Variants in TMEM117 observed in about 807,000 individuals in gnomAD.
The protein encoded by TMEM117 is transmembrane protein 117.
In TMEM117, 27 loss-of-function variants were observed where a neutral mutation model predicts 52.4. The ratio of observed to expected loss-of-function variants is 0.51; its 90% CI spans 0.38 to 0.71. TMEM117 has a LOEUF of 0.71. Among genes scored for constraint, TMEM117 ranks in the 30% least tolerant of loss-of-function variants. The pLI is 0.00. For missense variants in TMEM117, 556 were observed against 630.5 expected, an observed-to-expected ratio of 0.88 and a Z score of 1.26; for synonymous variants, 215 against 206.3, an observed-to-expected ratio of 1.04 and a Z score of -0.36.
intron 3 of TMEM117, among the ~76,000 whole-genome samples, chr12:44,129,812 T>C (rs914567127): frequency 6.6e-6 from 1 of 152,218 alleles, no homozygotes; most frequent in African/African-American, 2.4e-5. Context: ...TGAAACAATC[T>C]AGTTTCCAAA....
intron 5 of TMEM117, among the ~76,000 whole-genome samples, chr12:44,256,280 A>T (rs1208041868): frequency 6.6e-6 from 1 of 151,830 alleles, no homozygotes; most frequent in Non-Finnish European, 1.5e-5. Flanking sequence ...AAGGAACAAG[A>T]CTTTTGCCTG....
intron 4 of TMEM117, among the ~76,000 whole-genome samples, chr12:44,195,237 C>G (rs939157443): frequency 6.6e-6 from 1 of 152,154 alleles, no homozygotes; most frequent in Non-Finnish European, 1.5e-5. Context: ...GTTCCTTTTG[C>G]TTGTAGGGCT....
intron 3 of TMEM117, among the ~76,000 whole-genome samples, chr12:44,087,782 A>G (rs1176896708): frequency 1.3e-5 from 2 of 152,146 alleles, no homozygotes; most frequent in South Asian, 2.1e-4. Context: ...TTTTAAATTG[A>G]TAAGTTCACA....
Position 43,944,358 on chromosome 12 carries a change from C to T in TMEM117, c.410+16C>T, listed in dbSNP as rs190954339. Reference sequence around the variant, plus strand: ...GGAACATGGGGTAGGTTTTCTTTCCCCTTTCTACTGTGGTGAGTGTTATGT... The same window carrying T: ...GGAACATGGGGTAGGTTTTCTTTCCTCTTTCTACTGTGGTGAGTGTTATGT... On this transcript the variant is annotated intron_variant, in intron 3 of 7. Coordinates refer to ENST00000266534, the MANE Select transcript of TMEM117 (RefSeq NM_032256.3). The T allele has an allele frequency of 3.1e-6, 5 of 1,603,470 alleles. No individual in the cohort carries two copies. Among genetic ancestry groups the T allele is most frequent in the East Asian group, 2.2e-5 (1 of 44,596 alleles).
At chr12:44,216,005 C>CTTTTTTTTTTTTTTT (rs778425747) in intron 5 of TMEM117, among the ~76,000 whole-genome samples, 9 of 110,838 alleles carry the variant, frequency 8.1e-5, no homozygotes, top group East Asian at 2.5e-4. Flanking sequence ...TTCTTTCTTT[C>CTTTTTTTTTTTTTTT]TTTTTTTTTT....
the TMEM117 span, among the ~76,000 whole-genome samples, chr12:43,803,568 A>G: frequency 6.6e-6 from 1 of 152,112 alleles, no homozygotes; most frequent in Non-Finnish European, 1.5e-5. Context: ...AAGTAGTGCC[A>G]TTTTCCTTCC....
chr12:44,217,961 T>C (rs1185067717), intron 5 of TMEM117, among the ~76,000 whole-genome samples: 1 of 152,112 alleles, frequency 6.6e-6, no homozygotes, highest in Non-Finnish European at 1.5e-5. Context: ...CGGTGGCTCA[T>C]GCCTGTAATC....
In TMEM117 at chr12:44,311,849, GTATATATGTATATATATGTATATATA is replaced by G. The variant is rs1565701756; in HGVS notation, c.768+12112_768+12137del. Among the ~76,000 whole-genome samples the G allele has an allele frequency of 2.5e-4, 28 of 113,876 alleles. No individual in the cohort carries two copies. In the East Asian group the frequency reaches 6.1e-3, roughly 25 times the overall value. 74.7% of individuals were successfully genotyped at this position (113,876 alleles called of 152,430 possible). ...TATATATGTATATATGTATATATAT[GTATATATGTATATATATGTATATATA>G]TGTATATATGTATATATATGTGTAT... On this transcript the variant is annotated intron_variant, in intron 6 of 7. Coordinates refer to ENST00000266534, the MANE Select transcript of TMEM117 (RefSeq NM_032256.3).
At chr12:44,199,931 A>T (rs1490581761) in intron 4 of TMEM117, among the ~76,000 whole-genome samples, 2 of 152,168 alleles carry the variant, frequency 1.3e-5, no homozygotes, top group Non-Finnish European at 2.9e-5. Flanking sequence ...CAGCCTGGTC[A>T]ACATGGTGAA....
At chr12:44,031,972 CTGTACAGGGTTTCTGACT>C (rs929878385) in intron 3 of TMEM117, among the ~76,000 whole-genome samples, 1 of 152,182 alleles carries the variant, frequency 6.6e-6, no homozygotes, top group Non-Finnish European at 1.5e-5. Context: ...TCCACAGTTC[CTGTACAGGGTTTCTGACT>C]TGTGGTAAGT....
At chr12:44,114,407 CATTTAGGACTGT>C (rs1444552594) in intron 3 of TMEM117, among the ~76,000 whole-genome samples, 5 of 152,070 alleles carry the variant, frequency 3.3e-5, no homozygotes, top group Admixed American at 3.3e-4. Flanking sequence ...CTCACCTCTG[CATTTAGGACTGT>C]ATTTTAGCTT....
rs181292847 is a variant in TMEM117 at position 44,301,919 on chromosome 12, G to A, written c.768+2180G>A. On this transcript the variant is annotated intron_variant, in intron 6 of 7. Coordinates refer to ENST00000266534, the MANE Select transcript of TMEM117 (RefSeq NM_032256.3). ...TCATCTGAAAGAAAAGGGGAGAGAG[G>A]TTGGGCTATAACTCCAAATTAGTAG... Among the ~76,000 whole-genome samples the A allele has an allele frequency of 2.3e-4, 35 of 152,284 alleles. No individual in the cohort carries two copies. In the East Asian group the frequency reaches 6.4e-3, roughly 28 times the overall value.
At chr12:44,242,702 A>G (rs1712603157) in intron 5 of TMEM117, among the ~76,000 whole-genome samples, 2 of 147,316 alleles carry the variant, frequency 1.4e-5, no homozygotes, top group African/African-American at 2.5e-5. Flanking sequence ...ATATGTATAT[A>G]GATATCTATA....
At chr12:44,301,127 G>T (rs181790356) in intron 6 of TMEM117, among the ~76,000 whole-genome samples, 3 of 152,234 alleles carry the variant, frequency 2.0e-5, no homozygotes, top group African/African-American at 7.2e-5. Flanking sequence ...AATTGAATTT[G>T]CTTACATTCA....
chr12:44,018,733 T>C (rs1251612302), intron 3 of TMEM117, among the ~76,000 whole-genome samples: 1 of 151,836 alleles, frequency 6.6e-6, no homozygotes, highest in Non-Finnish European at 1.5e-5. Context: ...TTCTTTTTTT[T>C]TTTTTTAGAA....
chr12:44,222,621 C>T (rs1949803712), intron 5 of TMEM117, among the ~76,000 whole-genome samples: 1 of 152,116 alleles, frequency 6.6e-6, no homozygotes, highest in Admixed American at 6.5e-5. Flanking sequence ...TCTTCTATCC[C>T]TCTTTTGCTG....
chr12:43,982,508 T>TA (rs1046800146), intron 3 of TMEM117, among the ~76,000 whole-genome samples: 8 of 152,158 alleles, frequency 5.3e-5, no homozygotes, highest in Admixed American at 2.0e-4. Context: ...TTAAATGCAT[T>TA]AAAAAATAAT....
At chr12:44,141,359 C>T (rs1701087) in intron 3 of TMEM117, among the ~76,000 whole-genome samples, 151,560 of 152,208 alleles carry the variant, frequency 1, 75,458 homozygotes, top group Middle Eastern at 1. Context: ...ACCCATTAAT[C>T]ATTTTTCCTG....
At chr12:44,350,596 C>T (rs1440304305) in intron 6 of TMEM117, among the ~76,000 whole-genome samples, 1 of 151,960 alleles carries the variant, frequency 6.6e-6, no homozygotes, top group Non-Finnish European at 1.5e-5. Context: ...TTAGATCCCA[C>T]AAATAATTGA....
Sources: allele counts gnomAD v4.1 joint callset (sites outside exome capture counted in the v4.1 genomes callset), GRCh38; gene constraint gnomAD v4.1.1; transcripts MANE v1.5; gene names NCBI Gene and HGNC (gene_info 2026-07-23, HGNC 2026-07-21).